BBX: variants seen among roughly 807,000 people sequenced by gnomAD.
BBX encodes the protein BBX high mobility group box domain containing, also known as HMG box transcription factor BBX.
BBX carries 30 observed loss-of-function variants against 100.2 expected under a neutral mutation model. The ratio of observed to expected loss-of-function variants is 0.30; its 90% CI spans 0.22 to 0.41. BBX has a LOEUF of 0.41. BBX is among the 10% of genes least tolerant of loss of function. The pLI is 1.00. For synonymous variants in BBX, 376 were observed against 388.1 expected, an observed-to-expected ratio of 0.97 and a Z score of 0.37; for missense variants, 1,023 against 1,129.8, an observed-to-expected ratio of 0.91 and a Z score of 1.35.
chr3:107,532,323 C>CT (rs2048217627), intron 2 of BBX, among the ~76,000 whole-genome samples: 1 of 152,090 alleles, frequency 6.6e-6, no homozygotes, highest in African/African-American at 2.4e-5. Context: ...AAAGCCACTC[C>CT]TTTTTTAAAA....
At chr3:107,686,070 C>T (rs1405053985) in intron 3 of BBX, among the ~76,000 whole-genome samples, 1 of 152,072 alleles carries the variant, frequency 6.6e-6, no homozygotes, top group Non-Finnish European at 1.5e-5. Flanking sequence ...ATAAACCTGG[C>T]CATTTTTACT....
At chr3:107,737,705 A>G (rs905112427) in intron 7 of BBX, among the ~76,000 whole-genome samples, 3 of 152,086 alleles carry the variant, frequency 2.0e-5, no homozygotes, top group Admixed American at 6.6e-5. Context: ...AGATATAGCA[A>G]ATTCTTCACA....
Position 107,805,377 on chromosome 3 carries a change from A to G in BBX, c.2746A>G (p.Arg916Gly), listed in dbSNP as rs1224770740. The G allele has an allele frequency of 1.2e-6, 2 of 1,612,920 alleles. No individual in the cohort carries two copies. The highest frequency in any genetic ancestry group is 1.7e-6 in the Non-Finnish European group (2 of 1,179,342). ...CTTCCTTTTATTTTACAGAGGTCAGAGGTCAACTCCGCTCACCCATGATGG... is the reference window on the plus strand; with the variant it reads ...CTTCCTTTTATTTTACAGAGGTCAGGGGTCAACTCCGCTCACCCATGATGG... The part of the protein sequence containing the change: ...AAMENVHRGQ[R>G]STPLTHDGQP... Residue 916 changes from arginine (R) to glycine (G), a missense_variant, in exon 18 of 18, where the codon AGG becomes GGG. Physicochemically the swap from Arg to Gly is moderately radical, Grantham distance 125. Coordinates refer to ENST00000325805, the MANE Select transcript of BBX (RefSeq NM_001142568.3).
intron 3 of BBX, among the ~76,000 whole-genome samples, chr3:107,699,598 T>C (rs925252130): frequency 1.3e-5 from 2 of 151,524 alleles, no homozygotes; most frequent in South Asian, 2.1e-4. Flanking sequence ...TGGAGAGGAG[T>C]AGACTCTTTG....
At chr3:107,765,302 A>G (rs1289220181) in intron 10 of BBX, among the ~76,000 whole-genome samples, 3 of 152,198 alleles carry the variant, frequency 2.0e-5, no homozygotes, top group Admixed American at 2.0e-4. Flanking sequence ...CAGTAATTTT[A>G]GCATACACAT....
intron 2 of BBX, among the ~76,000 whole-genome samples, chr3:107,608,067 A>G (rs966520013): frequency 1.3e-5 from 2 of 152,010 alleles, no homozygotes; most frequent in African/African-American, 2.4e-5. Flanking sequence ...TTGACTTGAT[A>G]TGATCCCATC....
At chr3:107,688,396 C>G (rs1436462334) in intron 3 of BBX, among the ~76,000 whole-genome samples, 3 of 152,190 alleles carry the variant, frequency 2.0e-5, no homozygotes, top group African/African-American at 7.2e-5. Context: ...TCACAGTTGG[C>G]AAAGTTTGCA....
Position 107,710,435 on chromosome 3 carries a change from C to CT in BBX, c.-9-16dup. The CT allele has an allele frequency of 5.7e-6, 9 of 1,576,036 alleles. No homozygotes were observed. The highest frequency in any genetic ancestry group is 7.8e-6 in the Non-Finnish European group (9 of 1,157,754). On this transcript the variant is annotated splice_polypyrimidine_tract_variant and intron_variant, in intron 3 of 17. Coordinates refer to ENST00000325805, the MANE Select transcript of BBX (RefSeq NM_001142568.3). ...TCTCCCTGTTTCCCTGTTTCTCTCT[C>CT]TCTCTTCCTATTACAGGTCACAGTA...
intron 2 of BBX, among the ~76,000 whole-genome samples, chr3:107,569,759 G>A (rs984292836): frequency 1.3e-5 from 2 of 152,160 alleles, no homozygotes; most frequent in Non-Finnish European, 2.9e-5. Flanking sequence ...AAGGGAAACA[G>A]GCCCTTGAAA....
In BBX at chr3:107,805,251, T is replaced by G. The variant is rs2070965844; in HGVS notation, c.2739-119T>G. On this transcript the variant is annotated intron_variant, in intron 17 of 17. Transcript: ENST00000325805. ...AGCAAAAACAGTTTTCATTAAATGA[T>G]GTAAGTAACAGCAGTAACTGTTAAA... The G allele has an allele frequency of 9.1e-6, 10 of 1,101,882 alleles. 1 individual carries two copies. In the South Asian group the frequency reaches 1.9e-4, roughly 20 times the overall value. The allele number at this position is 1,101,882 out of a possible 1,614,324, so 68.3% of individuals were successfully genotyped here.
At chr3:107,617,707 G>A (rs1174607836) in intron 2 of BBX, among the ~76,000 whole-genome samples, 2 of 151,944 alleles carry the variant, frequency 1.3e-5, no homozygotes, top group Non-Finnish European at 2.9e-5. Flanking sequence ...TTGCTCATAT[G>A]TTAAAGTACA....
intron 5 of BBX, among the ~76,000 whole-genome samples, chr3:107,724,889 G>A (rs1490112281): frequency 2.0e-5 from 3 of 152,068 alleles, no homozygotes; most frequent in East Asian, 1.9e-4. Flanking sequence ...TTGGCAATGC[G>A]GGTTCCTTTT....
chr3:107,740,129 G>A (rs543388145), intron 7 of BBX, among the ~76,000 whole-genome samples: 7 of 152,026 alleles, frequency 4.6e-5, no homozygotes, highest in Non-Finnish European at 5.9e-5. Flanking sequence ...CCCCCGTGGC[G>A]GCCCAGGACT....
At chr3:107,566,891 CT>C (rs1333722278) in intron 2 of BBX, among the ~76,000 whole-genome samples, 1 of 151,766 alleles carries the variant, frequency 6.6e-6, no homozygotes, top group East Asian at 1.9e-4. Flanking sequence ...TTTTTAAACT[CT>C]TTTCTTCTCT....
At chr3:107,793,435 T>A (rs1007098097) in intron 15 of BBX, among the ~76,000 whole-genome samples, 2 of 152,132 alleles carry the variant, frequency 1.3e-5, no homozygotes, top group Admixed American at 1.3e-4. Flanking sequence ...AAAACAGGAA[T>A]CAATTTGAGC....
intron 13 of BBX, among the ~76,000 whole-genome samples, chr3:107,787,604 A>G (rs186748775): frequency 2.0e-5 from 3 of 152,322 alleles, no homozygotes; most frequent in African/African-American, 7.2e-5. Context: ...CACAAGTTTT[A>G]TACTTTAAAT....
At chr3:107,710,156 T>G (rs1455402736) in intron 3 of BBX, among the ~76,000 whole-genome samples, 1 of 152,198 alleles carries the variant, frequency 6.6e-6, no homozygotes, top group East Asian at 1.9e-4. Flanking sequence ...TTAAGCTTAC[T>G]GGGGTTTTAG....
intron 3 of BBX, among the ~76,000 whole-genome samples, chr3:107,683,786 A>G (rs144973021): frequency 4.0e-4 from 61 of 152,236 alleles, no homozygotes; most frequent in Non-Finnish European, 6.2e-4. Flanking sequence ...GCTGTTGGCA[A>G]TTTTCCAGTT....
intron 2 of BBX, among the ~76,000 whole-genome samples, chr3:107,535,736 G>T (rs1481626451): frequency 1.3e-5 from 2 of 152,046 alleles, no homozygotes; most frequent in Admixed American, 1.3e-4. Context: ...GGGATTACAG[G>T]TGCGGGTCAC....
Sources: gnomAD v4.1 joint callset for allele counts (sites outside exome capture counted in the v4.1 genomes callset) on GRCh38, gnomAD v4.1.1 for gene constraint, MANE v1.5 for transcripts, NCBI Gene and HGNC (gene_info 2026-07-23, HGNC 2026-07-21) for gene names.